Variants in INSL6 observed in about 807,000 individuals in gnomAD.
INSL6 encodes the protein insulin-like peptide INSL6.
INSL6 carries 16 observed loss-of-function variants against 9.4 expected under a neutral mutation model. That is an observed-to-expected ratio of 1.70 (90% CI 1.15 to 2.59). The LOEUF (loss-of-function observed/expected upper bound fraction) is 2.59. INSL6 is among the 30% of genes most tolerant of loss of function. The pLI is 0.00. For missense variants in INSL6, 391 were observed against 257.3 expected, an observed-to-expected ratio of 1.52 and a Z score of -3.56; for synonymous variants, 154 against 96.9, an observed-to-expected ratio of 1.59 and a Z score of -3.46.
chr9:5,041,508 T>C, the INSL6 span: 4 of 566,240 alleles, frequency 7.1e-6, no homozygotes, highest in African/African-American at 1.9e-5. Context: ...CGGGGACACA[T>C]AGCGCGCCAC....
intron 2 of INSL6, among the ~76,000 whole-genome samples, chr9:5,142,412 T>C (rs1824519051): frequency 6.6e-6 from 1 of 152,200 alleles, no homozygotes; most frequent in Admixed American, 6.5e-5. Flanking sequence ...GTAGTTCTCC[T>C]TACAGAGATC....
chr9:5,112,437 AGAG>A, the INSL6 span: 29 of 519,896 alleles, frequency 5.6e-5, no homozygotes, highest in African/African-American at 5.1e-4. Context: ...TGACCACTCA[AGAG>A]GAGAAGAAGG....
At chr9:4,996,224 G>A in the INSL6 span, among the ~76,000 whole-genome samples, 4 of 152,106 alleles carry the variant, frequency 2.6e-5, no homozygotes, top group Non-Finnish European at 5.9e-5. Context: ...AGAAGTATAT[G>A]GATCACCTGA....
intron 1 of INSL6, among the ~76,000 whole-genome samples, chr9:5,175,191 C>T (rs917003043): frequency 6.6e-6 from 1 of 152,086 alleles, no homozygotes; most frequent in Non-Finnish European, 1.5e-5. Context: ...CCACCTGCCT[C>T]GGCCTCCCAA....
chr9:5,171,639 A>G (rs1249757717), intron 1 of INSL6, among the ~76,000 whole-genome samples: 2 of 152,238 alleles, frequency 1.3e-5, no homozygotes, highest in African/African-American at 2.4e-5. Flanking sequence ...CAAATTCAGC[A>G]AAGTCTCAAG....
At chr9:5,036,926 A>G in the INSL6 span, among the ~76,000 whole-genome samples, 2 of 152,230 alleles carry the variant, frequency 1.3e-5, no homozygotes, top group African/African-American at 4.8e-5. Context: ...TGAACAGGCA[A>G]CCTACAGAAT....
At chr9:5,183,018 G>C (rs1261443805) in intron 1 of INSL6, among the ~76,000 whole-genome samples, 1 of 152,070 alleles carries the variant, frequency 6.6e-6, no homozygotes, top group South Asian at 2.1e-4. Flanking sequence ...TAAAATTTCA[G>C]ACAACTGACT....
At chr9:5,139,656 T>G (rs969014882) in intron 2 of INSL6, among the ~76,000 whole-genome samples, 1 of 152,176 alleles carries the variant, frequency 6.6e-6, no homozygotes, top group Admixed American at 6.5e-5. Context: ...AGAGATTTAG[T>G]TGAAACCATT....
intron 1 of INSL6, among the ~76,000 whole-genome samples, chr9:5,180,496 T>C (rs1825427825): frequency 6.6e-6 from 1 of 152,134 alleles, no homozygotes; most frequent in South Asian, 2.1e-4. Context: ...GGAATATTAG[T>C]ATTAATACCC....
chr9:5,052,427 T>C, the INSL6 span, among the ~76,000 whole-genome samples: 1 of 152,086 alleles, frequency 6.6e-6, no homozygotes, highest in Non-Finnish European at 1.5e-5. Context: ...CTGCTTTACT[T>C]TAAAAATAGT....
At chr9:5,029,841 G>C in the INSL6 span, 2 of 1,610,814 alleles carry the variant, frequency 1.2e-6, no homozygotes, top group African/African-American at 1.3e-5. Context: ...AAAGGATCTG[G>C]TATCCACCCA....
chr9:5,177,717 G>C (rs1261851147), intron 1 of INSL6, among the ~76,000 whole-genome samples: 1 of 152,218 alleles, frequency 6.6e-6, no homozygotes, highest in Non-Finnish European at 1.5e-5. Flanking sequence ...AAACGGGACA[G>C]AGTTCCTGGG....
the INSL6 span, among the ~76,000 whole-genome samples, chr9:5,103,266 C>G: frequency 3.1e-5 from 3 of 96,136 alleles, no homozygotes; most frequent in Non-Finnish European, 6.1e-5. Context: ...GCAGGAGTTG[C>G]AATCCCGGTC....
At position 5,131,435 on chromosome 9, in the gene INSL6, A is replaced by ATTTTTTTTTTTTTTTTTTTTTTTTTTTTT. The variant is rs550915336; in HGVS notation, c.*10+1989_*10+1990insAAAAAAAAAAAAAAAAAAAAAAAAAAAAA. ...AATTCTTTAACACCACCAGTTAACA[A>ATTTTTTTTTTTTTTTTTTTTTTTTTTTTT]TTTTTTTTTTTTTTTTTTTGAGACA... On this transcript the variant is annotated intron_variant, in intron 3 of 3. Coordinates refer to the INSL6 transcript ENST00000649639. 2.9e-4 allele frequency among the ~76,000 whole-genome samples: 34 copies of ATTTTTTTTTTTTTTTTTTTTTTTTTTTTT among 115,828 alleles called. 7 individuals carry two copies. The highest frequency in any genetic ancestry group is 1.4e-3 in the African/African-American group (34 of 24,950). The allele number at this position is 115,828 out of a possible 152,430, so 76.0% of individuals were successfully genotyped here.
In INSL6 at chr9:5,164,277, G is replaced by T; in HGVS notation, c.290-12C>A. ...CCAAGAAGTAGACACTGTTGAGAGA[G>T]AAGAAAATAAATGCTCCTTTATTAA... On this transcript the variant is annotated splice_polypyrimidine_tract_variant and intron_variant, in intron 1 of 1. Transcript: ENST00000381641. The T allele has an allele frequency of 6.5e-7, 1 of 1,534,958 alleles. No homozygotes were observed. The highest frequency in any genetic ancestry group is 1.2e-5 in the South Asian group (1 of 85,550).
the INSL6 span, among the ~76,000 whole-genome samples, chr9:5,032,017 A>C: frequency 1.3e-5 from 2 of 152,234 alleles, no homozygotes; most frequent in Non-Finnish European, 1.5e-5. Context: ...TAGTCAAAGA[A>C]AGGGGTGACA....
downstream of INSL6, among the ~76,000 whole-genome samples, chr9:5,122,645 A>G (rs1013560587): frequency 1.3e-5 from 2 of 152,086 alleles, no homozygotes; most frequent in African/African-American, 2.4e-5. Flanking sequence ...ATCCATATTC[A>G]TGGTTATGAT....
chr9:5,109,136 C>T, the INSL6 span: 1 of 152,166 alleles, frequency 6.6e-6, no homozygotes, highest in Admixed American at 6.5e-5. Flanking sequence ...CAACCCTCTA[C>T]TCCCTACATG....
chr9:5,092,461 A>G, the INSL6 span, among the ~76,000 whole-genome samples: 2 of 152,188 alleles, frequency 1.3e-5, no homozygotes, highest in Non-Finnish European at 2.9e-5. Context: ...TTTCATCACA[A>G]CCTGGTCACT....
Sources: allele counts gnomAD v4.1 joint callset (sites outside exome capture counted in the v4.1 genomes callset), GRCh38; gene constraint gnomAD v4.1.1; transcripts MANE v1.5; gene names NCBI Gene and HGNC (gene_info 2026-07-23, HGNC 2026-07-21).